Variants in OSBPL3 observed in about 807,000 individuals in gnomAD.
The protein encoded by OSBPL3 is oxysterol-binding protein-related protein 3.
In OSBPL3, 65 loss-of-function variants were observed where a neutral mutation model predicts 120.1. The ratio of observed to expected loss-of-function variants is 0.54; its 90% CI spans 0.44 to 0.67. OSBPL3 has a LOEUF of 0.67. OSBPL3 is among the 30% of genes least tolerant of loss of function. OSBPL3 has a pLI of 0.00. For missense variants in OSBPL3, 1,004 were observed against 1,082.1 expected, an observed-to-expected ratio of 0.93 and a Z score of 1.01; for synonymous variants, 416 against 402.6, an observed-to-expected ratio of 1.03 and a Z score of -0.40.
At chr7:24,908,931 C>A (rs1808355726) in intron 1 of OSBPL3, among the ~76,000 whole-genome samples, 1 of 152,238 alleles carries the variant, frequency 6.6e-6, no homozygotes, top group African/African-American at 2.4e-5. Context: ...GCTCCACAAA[C>A]CAAACTCGGC....
intron 2 of OSBPL3, among the ~76,000 whole-genome samples, chr7:24,875,790 A>ATT (rs1457865263): frequency 6.6e-6 from 1 of 151,044 alleles, no homozygotes; most frequent in African/African-American, 2.4e-5. Flanking sequence ...TTTTATATAT[A>ATT]TACAAATTTA....
At position 24,815,469 on chromosome 7, in the gene OSBPL3, T is replaced by C. The variant is rs1362557127; in HGVS notation, c.2028-266A>G. Among the ~76,000 whole-genome samples the C allele has an allele frequency of 2.6e-5, 4 of 152,284 alleles. No individual in the cohort carries two copies. The highest frequency in any genetic ancestry group is 3.4e-3 in the Middle Eastern group (1 of 294). On this transcript the variant is annotated intron_variant, in intron 18 of 22. Transcript: ENST00000313367. The surrounding 1 kb of genome is among the most constrained non-coding windows in gnomAD (Gnocchi z 5.1). ...GGCTTCACTAGAAGCTGGTGGTCTC[T>C]TGGAACAGCCCACTCCCTCCTTTGA...
At chr7:24,846,233 T>C (rs1405179613) in intron 12 of OSBPL3, among the ~76,000 whole-genome samples, 1 of 152,218 alleles carries the variant, frequency 6.6e-6, no homozygotes, top group Non-Finnish European at 1.5e-5. Flanking sequence ...ATACCGTTCT[T>C]CATTATATAG....
Position 24,796,718 on chromosome 7 carries a change from A to G in OSBPL3, c.*3465T>C, listed in dbSNP as rs945022393. 1 of 152,214 alleles carries G rather than the reference A, an allele frequency of 6.6e-6. No homozygotes were observed. Among genetic ancestry groups the G allele is most frequent in the Non-Finnish European group, 1.5e-5 (1 of 68,046 alleles). 9.4% of individuals were successfully genotyped at this position (152,214 alleles called of 1,614,324 possible). On this transcript the variant is annotated 3_prime_UTR_variant, in exon 23 of 23. Transcript: ENST00000313367. The surrounding 1 kb of genome is among the most constrained non-coding windows in gnomAD (Gnocchi z 5.2). Reference sequence around the variant, plus strand: ...ATTAAAAAAGTACCCTCTGGATAAAATAATCAGAAATAAAATAAATTAGCC... The same window carrying G: ...ATTAAAAAAGTACCCTCTGGATAAAGTAATCAGAAATAAAATAAATTAGCC...
chr7:24,917,428 T>TAAATA (rs1562924930), intron 1 of OSBPL3, among the ~76,000 whole-genome samples: 1 of 92,264 alleles, frequency 1.1e-5, no homozygotes, highest in Non-Finnish European at 2.3e-5. Context: ...ATATATATAT[T>TAAATA]TGTAACATAT....
At chr7:24,976,641 C>A in intron 1 of OSBPL3, among the ~76,000 whole-genome samples, 1 of 152,174 alleles carries the variant, frequency 6.6e-6, no homozygotes, top group Non-Finnish European at 1.5e-5. Flanking sequence ...CTCAATTATG[C>A]ATGGAAGACT....
chr7:24,931,739 T>C (rs573006484), intron 1 of OSBPL3, among the ~76,000 whole-genome samples: 1 of 151,794 alleles, frequency 6.6e-6, no homozygotes, highest in South Asian at 2.1e-4. Context: ...AGGCAACTAA[T>C]ATAGTCTTTC....
At position 24,834,655 on chromosome 7, in the gene OSBPL3, A is replaced by T; in HGVS notation, c.1577T>A (p.Ile526Asn). The change falls in exon 15 of 23, where the codon ATC (isoleucine) becomes AAC (asparagine). Residue 526 changes from isoleucine (I) to asparagine (N), a missense_variant. Ile to Asn is a moderately radical substitution (Grantham distance 149). Transcript: ENST00000313367. The surrounding 1 kb of genome is among the most constrained non-coding windows in gnomAD (Gnocchi z 5.2). ...LPAPCPSSSN[I>N]SLWNILRNNI... The stretch of plus-strand genomic sequence containing the variant: ...GTTCCTCAGGATGTTCCACAGGCTG[A>T]TGTTACTGCTGCTCGGGCAGGGCGC... 6.2e-7 allele frequency: 1 copy of T among 1,614,148 alleles called. No individual in the cohort carries two copies. Among genetic ancestry groups the T allele is most frequent in the East Asian group, 2.2e-5 (1 of 44,892 alleles).
chr7:24,799,727 A>C lies in OSBPL3; in HGVS notation c.*456T>G, dbSNP rs1792076913. ...CAAGAGCTGTCTGAGGCAAAAAGATATTTCAGCTACCAAATTAAACTTGGG... is the reference window on the plus strand; with the variant it reads ...CAAGAGCTGTCTGAGGCAAAAAGATCTTTCAGCTACCAAATTAAACTTGGG... On this transcript the variant is annotated 3_prime_UTR_variant, in exon 23 of 23. Transcript: ENST00000313367. The surrounding 1 kb of genome is among the most constrained non-coding windows in gnomAD (Gnocchi z 5.3). 6.5e-6 allele frequency: 1 copy of C among 152,772 alleles called. No individual in the cohort carries two copies. The highest frequency in any genetic ancestry group is 1.5e-5 in the Non-Finnish European group (1 of 68,136). 9.5% of individuals were successfully genotyped at this position (152,772 alleles called of 1,614,324 possible). A position where few individuals can be genotyped will look rare whatever the true frequency, so the allele number is the denominator to read the frequency against.
chr7:24,872,444 A>AGT lies in OSBPL3; in HGVS notation c.97-376_97-375insAC, dbSNP rs1491151529. Among the ~76,000 whole-genome samples, 2 of 77,890 alleles carry AGT rather than the reference A, an allele frequency of 2.6e-5. No individual in the cohort carries two copies. The highest frequency in any genetic ancestry group is 5.0e-5 in the Non-Finnish European group (2 of 39,782). 51.1% of individuals were successfully genotyped at this position (77,890 alleles called of 152,430 possible). A position where few individuals can be genotyped will look rare whatever the true frequency, so the allele number is the denominator to read the frequency against. On this transcript the variant is annotated intron_variant, in intron 2 of 22. Coordinates refer to ENST00000313367, the MANE Select transcript of OSBPL3 (RefSeq NM_015550.4). The surrounding 1 kb of genome is among the most constrained non-coding windows in gnomAD (Gnocchi z 4.1). ...GACTTCAGTCTGAATTTTAACCGAA[A>AGT]GAGAGTGTGTGTGTGTGTGTGTGTG... is the stretch of plus-strand genomic sequence containing the variant.
chr7:24,963,425 C>T (rs1407468243), intron 1 of OSBPL3, among the ~76,000 whole-genome samples: 1 of 152,222 alleles, frequency 6.6e-6, no homozygotes. Flanking sequence ...CATGACAAAA[C>T]ACCATTCCAA....
At chr7:24,868,617 T>C (rs1010590011) in intron 5 of OSBPL3, among the ~76,000 whole-genome samples, 1 of 152,218 alleles carries the variant, frequency 6.6e-6, no homozygotes, top group African/African-American at 2.4e-5. Flanking sequence ...ACTGTTAGGT[T>C]GGCTCTGGTG....
chr7:24,878,909 G>A (rs992976347), intron 2 of OSBPL3, among the ~76,000 whole-genome samples: 3 of 152,178 alleles, frequency 2.0e-5, no homozygotes, highest in Non-Finnish European at 4.4e-5. Flanking sequence ...TGGACCATAA[G>A]CCCAACTTGA....
chr7:24,928,752 T>C (rs1329476734), intron 1 of OSBPL3, among the ~76,000 whole-genome samples: 5 of 152,212 alleles, frequency 3.3e-5, no homozygotes, highest in Non-Finnish European at 5.9e-5. Flanking sequence ...TTTGTATTAA[T>C]GGAATCATAC....
chr7:24,876,015 C>T (rs1230502440), intron 2 of OSBPL3, among the ~76,000 whole-genome samples: 1 of 152,064 alleles, frequency 6.6e-6, no homozygotes, highest in African/African-American at 2.4e-5. Flanking sequence ...TAAGTAAGTC[C>T]TGTTGGTTCC....
chr7:24,848,614 T>C (rs566841569), intron 12 of OSBPL3, among the ~76,000 whole-genome samples: 1 of 151,664 alleles, frequency 6.6e-6, no homozygotes, highest in African/African-American at 2.4e-5. Flanking sequence ...CCGCATTCTA[T>C]AAAAGAAAAA....
intron 14 of OSBPL3, among the ~76,000 whole-genome samples, chr7:24,839,630 C>A (rs536701035): frequency 5.3e-5 from 8 of 152,018 alleles, no homozygotes; most frequent in African/African-American, 1.9e-4. Flanking sequence ...TTATAAAAAC[C>A]CCCTGATATC....
intron 11 of OSBPL3, among the ~76,000 whole-genome samples, chr7:24,850,231 C>T (rs1176752328): frequency 6.6e-6 from 1 of 152,176 alleles, no homozygotes; most frequent in African/African-American, 2.4e-5. Context: ...CTTATCTCAA[C>T]CTCTCAACTA....
Position 24,930,013 on chromosome 7 carries a change from T to C in OSBPL3, c.-149-37392A>G, listed in dbSNP as rs574232766. Among the ~76,000 whole-genome samples the C allele has an allele frequency of 2.0e-5, 3 of 152,156 alleles. No homozygotes were observed. The highest frequency in any genetic ancestry group is 6.5e-5 in the Admixed American group (1 of 15,296). ...CTCTCTGGGTTCTCATAGAGCAAGG[T>C]AAGGGTAAAGTAAAGGTGAAGGCAT... On this transcript the variant is annotated intron_variant, in intron 1 of 22. Transcript: ENST00000313367. This position sits in a 1 kb window ranked among gnomAD's most constrained non-coding sequence, Gnocchi z 4.4.
Sources: allele counts gnomAD v4.1 joint callset (sites outside exome capture counted in the v4.1 genomes callset), GRCh38; gene constraint gnomAD v4.1.1; non-coding constraint Gnocchi (gnomAD v3.1); transcripts MANE v1.5; gene names NCBI Gene and HGNC (gene_info 2026-07-23, HGNC 2026-07-21).